Variants in TEX12 observed in about 807,000 individuals in gnomAD.
TEX12 encodes testis-expressed protein 12.
In TEX12, 7 loss-of-function variants were observed where a neutral mutation model predicts 14.6. The observed-to-expected ratio is 0.48, with a 90% CI of 0.27 to 0.90. The LOEUF is 0.90. Among genes scored for constraint, TEX12 ranks in the 40% least tolerant of loss-of-function variants. The probability of loss-of-function intolerance (pLI) is 0.12; values close to 1 mark genes in which losing one functional copy is unlikely to be tolerated. For missense variants in TEX12, 121 were observed against 135.7 expected (o/e 0.89, Z 0.54); for synonymous variants, 57 against 49.1 (o/e 1.16, Z -0.67).
chr11:112,170,358 A>G, intron 2 of TEX12, 61 bp from the exon 3 acceptor site: 1 of 1,145,548 alleles, frequency 8.7e-7, no homozygotes, highest in Non-Finnish European at 1.3e-6. Flanking sequence ...TTAATAAACA[A>G]AATGTATATG....
At position 112,170,645 on chromosome 11, in the gene TEX12, A is replaced by T. The variant is rs774749655; in HGVS notation, c.198A>T (p.Leu66=). The stretch of plus-strand genomic sequence containing the variant: ...CAGATGTGAGCAAGGAAATTAATCT[A>T]ATGTTGTCTACCTATGCAAAGCTTT... ...DLNDVSKEIN[L]MLSTYAKLLS... is the part of the protein sequence containing the mutation. Residue 66 remains leucine (L), a synonymous_variant, in exon 4 of 5, where the codon CTA becomes CTT. Coordinates refer to ENST00000280358, the MANE Select transcript of TEX12 (RefSeq NM_031275.4). 1.2e-6 allele frequency: 2 copies of T among 1,611,764 alleles called. No homozygotes were observed. Among genetic ancestry groups the T allele is most frequent in the Non-Finnish European group, 1.7e-6 (2 of 1,178,328 alleles).
Position 112,171,961 on chromosome 11 carries a change from A to G in TEX12, c.*45A>G. ...CTGAGAATTTAAACCTATTATTGTT[A>G]TAATGAAAGAATGACATTTATGCTT... On this transcript the variant is annotated 3_prime_UTR_variant, in exon 5 of 5. Transcript: ENST00000280358. The G allele has an allele frequency of 7.5e-7, 1 of 1,324,916 alleles. No homozygotes were observed. The highest frequency in any genetic ancestry group is 9.9e-7 in the Non-Finnish European group (1 of 1,011,708). The allele number at this position is 1,324,916 out of a possible 1,614,324, so 82.1% of individuals were successfully genotyped here. A position where few individuals can be genotyped will look rare whatever the true frequency, so the allele number is the denominator to read the frequency against.
intron 1 of TEX12, among the ~76,000 whole-genome samples, chr11:112,168,142 A>G (rs1172807522): frequency 2.6e-5 from 4 of 152,264 alleles, no homozygotes; most frequent in Non-Finnish European, 5.9e-5. Flanking sequence ...TCTGTCTTCT[A>G]TATATGCATA....
At position 112,169,342 on chromosome 11, in the gene TEX12, T is replaced by A. The variant is rs1277335364; in HGVS notation, c.63+11T>A. On this transcript the variant is annotated intron_variant, in intron 2 of 4. Coordinates refer to ENST00000280358, the MANE Select transcript of TEX12 (RefSeq NM_031275.4). ...CCAAGAGAATTGGAGGTAAGCTGTA[T>A]GCCTATGGAGCCTTAATCTTTTATT... The A allele has an allele frequency of 3.8e-6, 6 of 1,598,398 alleles. No individual in the cohort carries two copies. The highest frequency in any genetic ancestry group is 3.4e-6 in the Non-Finnish European group (4 of 1,165,542).
rs1161741016 is a variant in TEX12, at chr11:112,170,427, G to A, written c.72G>A (p.Val24=). The A allele has an allele frequency of 6.2e-7, 1 of 1,608,590 alleles. No individual in the cohort carries two copies. ...CKRPRELESP[V]PDSPQLSSLG... ...TTATTTTGTCCTGTTAGTCTCCAGT[G>A]CCAGATAGTCCACAGCTGTCCTCTC... is the stretch of plus-strand genomic sequence containing the variant. The change falls in exon 3 of 5, where the codon GTG becomes GTA. Residue 24 remains valine, a synonymous_variant. Coordinates refer to ENST00000280358, the MANE Select transcript of TEX12 (RefSeq NM_031275.4).
intron 1 of TEX12, 70 bp from the exon 2 acceptor site, chr11:112,169,183 A>G (rs1866761663): frequency 2.0e-6 from 2 of 1,025,534 alleles, no homozygotes; most frequent in African/African-American, 1.6e-5. Context: ...AGTGGGAAAC[A>G]GGGAAGGATT....
Position 112,169,301 on chromosome 11 carries a change from T to C in TEX12, c.33T>C (p.Asn11=), listed in dbSNP as rs1866763314. The change falls in exon 2 of 5, where the codon AAT becomes AAC. Residue 11 remains asparagine, a synonymous_variant. Coordinates refer to ENST00000280358, the MANE Select transcript of TEX12 (RefSeq NM_031275.4). ...CAAATCACCTTGTAAAGCCTGATAA[T>C]AGAAATTGCAAGAGGCCAAGAGAAT... The part of the protein sequence containing the change: MMANHLVKPD[N]RNCKRPRELE... The C allele has an allele frequency of 6.2e-7, 1 of 1,613,948 alleles. No individual in the cohort carries two copies. Among genetic ancestry groups the C allele is most frequent in the Non-Finnish European group, 8.5e-7 (1 of 1,179,830 alleles).
chr11:112,169,433 T>A, intron 2 of TEX12, 102 bp downstream of exon 2: 1 of 859,936 alleles, frequency 1.2e-6, no homozygotes, highest in Non-Finnish European at 1.9e-6. Context: ...GGATTTAATG[T>A]ATTCGTATGC....
At chr11:112,168,227 T>G (rs560742066) in intron 1 of TEX12, among the ~76,000 whole-genome samples, 2 of 152,194 alleles carry the variant, frequency 1.3e-5, no homozygotes, top group African/African-American at 4.8e-5. Flanking sequence ...ACAAAGTCAA[T>G]TGATAACTTG....
Position 112,170,528 on chromosome 11 carries a change from A to C in TEX12, c.173A>C (p.Asn58Thr). 1.2e-6 allele frequency: 2 copies of C among 1,601,948 alleles called. No homozygotes were observed. The highest frequency in any genetic ancestry group is 1.7e-6 in the Non-Finnish European group (2 of 1,169,554). ...YKDEALEKDL[N>T]DVSKEINLML... ...GATGAAGCCTTGGAGAAAGATTTAA[A>C]TGGTGATGTATAAAATGTTTATATT... The change falls in exon 3 of 5, where the codon AAT becomes ACT. Residue 58 changes from asparagine to threonine, a missense_variant and splice_region_variant. Transcript: ENST00000280358.
intron 2 of TEX12, 55 bp from the exon 3 acceptor site, chr11:112,170,364 A>G (rs538249021): frequency 2.5e-6 from 3 of 1,195,364 alleles, no homozygotes; most frequent in African/African-American, 1.5e-5. Context: ...AACAAAATGT[A>G]TATGTCCTGA....
rs1318426543 is a variant in TEX12, at chr11:112,172,113, C to G, written c.*197C>G. 3.3e-6 allele frequency: 1 copy of G among 302,738 alleles called. No homozygotes were observed. The highest frequency in any genetic ancestry group is 5.3e-5 in the East Asian group (1 of 19,022). The allele number at this position is 302,738 out of a possible 1,614,324, so 18.8% of individuals were successfully genotyped here. On this transcript the variant is annotated 3_prime_UTR_variant, in exon 5 of 5. Coordinates refer to ENST00000280358, the MANE Select transcript of TEX12 (RefSeq NM_031275.4). ...TTAATATTAATGTTCATGTTAATGTCCTAAGCTGGCCATTAACATGAACTA... is the reference window on the plus strand; with the variant it reads ...TTAATATTAATGTTCATGTTAATGTGCTAAGCTGGCCATTAACATGAACTA...
intron 4 of TEX12, 141 bp downstream of exon 4, chr11:112,170,815 A>T (rs939534445): frequency 4.3e-5 from 26 of 610,278 alleles, no homozygotes; most frequent in Non-Finnish European, 6.2e-5. Flanking sequence ...TCAGTCCCTT[A>T]TAATAGATTA....
intron 4 of TEX12, among the ~76,000 whole-genome samples, chr11:112,171,330 T>C (rs1866787886): frequency 6.6e-6 from 1 of 152,044 alleles, no homozygotes; most frequent in African/African-American, 2.4e-5. Context: ...GATGTTCCTT[T>C]GGTATCTGTG....
intron 1 of TEX12, 149 bp from the exon 2 acceptor site, chr11:112,169,104 T>A: frequency 1.5e-6 from 1 of 658,956 alleles, no homozygotes. Flanking sequence ...TAGAATGATT[T>A]AGAGGAGGGA....
At chr11:112,168,569 T>G (rs1399668099) in intron 1 of TEX12, among the ~76,000 whole-genome samples, 1 of 152,022 alleles carries the variant, frequency 6.6e-6, no homozygotes, top group Non-Finnish European at 1.5e-5. Context: ...TTTTTTTTTT[T>G]GAGGTGGAGT....
chr11:112,169,159 A>G, intron 1 of TEX12, 94 bp from the exon 2 acceptor site: 1 of 793,276 alleles, frequency 1.3e-6, no homozygotes, highest in Non-Finnish European at 2.2e-6. Context: ...GTCTAAATTA[A>G]CATCAGCAGT....
intron 1 of TEX12, among the ~76,000 whole-genome samples, 160 bp from the exon 2 acceptor site, chr11:112,169,093 A>T (rs1160318625): frequency 6.6e-6 from 1 of 152,208 alleles, no homozygotes; most frequent in South Asian, 2.1e-4. Flanking sequence ...ATAGCAGTTG[A>T]TAGAATGATT....
At chr11:112,171,567 C>T (rs1866790323) in intron 4 of TEX12, among the ~76,000 whole-genome samples, 1 of 151,858 alleles carries the variant, frequency 6.6e-6, no homozygotes, top group Non-Finnish European at 1.5e-5. Flanking sequence ...GATACACTTC[C>T]TGTTGTGTCA....
Sources: gnomAD v4.1 joint callset for allele counts (sites outside exome capture counted in the v4.1 genomes callset) on GRCh38, gnomAD v4.1.1 for gene constraint, MANE v1.5 for transcripts, NCBI Gene and HGNC (gene_info 2026-07-23, HGNC 2026-07-21) for gene names.